The following CCDC192 variants were observed in gnomAD, a reference collection of about 807,000 sequenced individuals.
The protein encoded by CCDC192 is coiled-coil domain containing 192.
At position 127,765,093 on chromosome 5, in the gene CCDC192, A is replaced by G. The variant is rs140659857; in HGVS notation, c.222+10718A>G. Among the ~76,000 whole-genome samples, 206 of 152,336 alleles carry G rather than the reference A, an allele frequency of 1.4e-3. 1 individual carries two copies. Among genetic ancestry groups the G allele is most frequent in the Non-Finnish European group, 2.1e-3 (146 of 68,040 alleles). ...AGAGGTCTTCAAAATTTTGTCCAGC[A>G]GGTCCCTTGGAGGTTCCTAGCACTC... On this transcript the variant is annotated intron_variant, in intron 3 of 6. Coordinates refer to ENST00000514853, the MANE Select transcript of CCDC192 (RefSeq NM_001317938.2).
intron 6 of CCDC192, among the ~76,000 whole-genome samples, chr5:127,911,533 A>G (rs545150246): frequency 1.9e-3 from 283 of 152,288 alleles, no homozygotes; most frequent in African/African-American, 6.3e-3. Context: ...AAGTTCATGC[A>G]CTCTATAATT....
At chr5:127,742,353 T>C (rs578079486) in intron 2 of CCDC192, among the ~76,000 whole-genome samples, 1 of 152,268 alleles carries the variant, frequency 6.6e-6, no homozygotes, top group African/African-American at 2.4e-5. Flanking sequence ...ATTCTATCAG[T>C]AATGCTATAG....
intron 5 of CCDC192, among the ~76,000 whole-genome samples, chr5:127,852,167 A>G (rs1011638581): frequency 2.0e-5 from 3 of 152,072 alleles, no homozygotes; most frequent in African/African-American, 7.2e-5. Context: ...CCTCTCCTTG[A>G]CTTCCCCTTC....
At chr5:127,742,731 A>G (rs1480044742) in intron 2 of CCDC192, among the ~76,000 whole-genome samples, 2 of 152,212 alleles carry the variant, frequency 1.3e-5, no homozygotes, top group African/African-American at 4.8e-5. Context: ...ATCATTTGTT[A>G]AAGAAATATC....
intron 5 of CCDC192, among the ~76,000 whole-genome samples, chr5:127,808,365 G>C (rs917632481): frequency 6.6e-6 from 1 of 151,316 alleles, no homozygotes; most frequent in African/African-American, 2.4e-5. Context: ...TTTCTGAAAT[G>C]TACAGTCTCA....
At chr5:127,724,523 T>A (rs1320804724) in intron 2 of CCDC192, among the ~76,000 whole-genome samples, 1 of 152,004 alleles carries the variant, frequency 6.6e-6, no homozygotes, top group East Asian at 1.9e-4. Context: ...CAAATCCAAA[T>A]GTACTAAATG....
chr5:127,775,499 G>A (rs1580637374), intron 3 of CCDC192, among the ~76,000 whole-genome samples: 1 of 152,260 alleles, frequency 6.6e-6, no homozygotes, highest in East Asian at 1.9e-4. Context: ...TGTGCCCCCT[G>A]TGGTGTAGCA....
intron 5 of CCDC192, among the ~76,000 whole-genome samples, chr5:127,873,982 A>C (rs1751966292): frequency 6.6e-6 from 1 of 152,230 alleles, no homozygotes; most frequent in South Asian, 2.1e-4. Flanking sequence ...AGGCCAAATT[A>C]TGAAGGCTTT....
At chr5:127,909,300 C>T (rs1317911531) in intron 6 of CCDC192, among the ~76,000 whole-genome samples, 1 of 152,076 alleles carries the variant, frequency 6.6e-6, no homozygotes, top group African/African-American at 2.4e-5. Context: ...CAAGTAGGAG[C>T]ACTTCTGTTT....
At chr5:127,780,407 C>A (rs1309711094) in intron 3 of CCDC192, among the ~76,000 whole-genome samples, 1 of 152,170 alleles carries the variant, frequency 6.6e-6, no homozygotes, top group Non-Finnish European at 1.5e-5. Flanking sequence ...CACTGTTTTC[C>A]ATAGTGGTTG....
chr5:127,940,131 C>T (rs984411759), intron 6 of CCDC192, among the ~76,000 whole-genome samples: 2 of 152,178 alleles, frequency 1.3e-5, no homozygotes, highest in African/African-American at 4.8e-5. Flanking sequence ...GGCCACTCAT[C>T]TTTTATCTCT....
At chr5:127,793,305 A>G (rs975727468) in intron 3 of CCDC192, among the ~76,000 whole-genome samples, 26 of 152,346 alleles carry the variant, frequency 1.7e-4, no homozygotes, top group African/African-American at 6.3e-4. Context: ...GATATTCAGT[A>G]AGAAACTTGT....
chr5:127,824,965 G>C lies in CCDC192; in HGVS notation c.411+26803G>C, dbSNP rs528995874. Among the ~76,000 whole-genome samples, 2 of 152,296 alleles carry C rather than the reference G, an allele frequency of 1.3e-5. 1 individual carries two copies. Among genetic ancestry groups the C allele is most frequent in the African/African-American group, 4.8e-5 (2 of 41,564 alleles). ...ATGGGAGAAGACTAGGTTGGTAGTT[G>C]TTCAAGCACACAAACTTCATCTTTA... On this transcript the variant is annotated intron_variant, in intron 5 of 6. Coordinates refer to ENST00000514853, the MANE Select transcript of CCDC192 (RefSeq NM_001317938.2).
intron 3 of CCDC192, among the ~76,000 whole-genome samples, chr5:127,790,308 G>A (rs1205649594): frequency 6.6e-6 from 1 of 152,068 alleles, no homozygotes; most frequent in Non-Finnish European, 1.5e-5. Context: ...TTTGGGGCTT[G>A]GAGGCCATTT....
chr5:127,768,391 A>G (rs1243266397), intron 3 of CCDC192, among the ~76,000 whole-genome samples: 1 of 152,226 alleles, frequency 6.6e-6, no homozygotes, highest in Non-Finnish European at 1.5e-5. Flanking sequence ...CTGAAAGCAG[A>G]GACCAGAGTG....
At position 127,881,008 on chromosome 5, in the gene CCDC192, C is replaced by T. The variant is rs149692195; in HGVS notation, c.535+5347C>T. Reference sequence around the variant, plus strand: ...AAATAAAATAAAATATAGATACATACATACAGTGTAATACTTAATGAGCAA... The same window carrying T: ...AAATAAAATAAAATATAGATACATATATACAGTGTAATACTTAATGAGCAA... On this transcript the variant is annotated intron_variant, in intron 6 of 6. Transcript: ENST00000514853. Among the ~76,000 whole-genome samples, 606 of 152,176 alleles carry T rather than the reference C, an allele frequency of 4.0e-3. 2 individuals are homozygous for T. Among genetic ancestry groups the T allele is most frequent in the African/African-American group, 0.014 (569 of 41,534 alleles).
intron 6 of CCDC192, among the ~76,000 whole-genome samples, chr5:127,908,403 C>G (rs1233446021): frequency 6.6e-6 from 1 of 152,112 alleles, no homozygotes; most frequent in Non-Finnish European, 1.5e-5. Flanking sequence ...TTTTCTAAAT[C>G]TTAATTTTCA....
chr5:127,938,900 C>A (rs780767912), intron 6 of CCDC192, among the ~76,000 whole-genome samples: 2 of 151,662 alleles, frequency 1.3e-5, no homozygotes, highest in Non-Finnish European at 2.9e-5. Flanking sequence ...GCCATATGGA[C>A]TCCCTCTCCT....
chr5:127,746,590 A>C (rs1753756218), intron 2 of CCDC192, among the ~76,000 whole-genome samples: 1 of 151,344 alleles, frequency 6.6e-6, no homozygotes, highest in African/African-American at 2.4e-5. Context: ...AAGTGTAAAT[A>C]CACAAGAATT....
Sources: allele counts gnomAD v4.1 joint callset (sites outside exome capture counted in the v4.1 genomes callset), GRCh38; gene constraint gnomAD v4.1.1; transcripts MANE v1.5; gene names NCBI Gene and HGNC (gene_info 2026-07-23, HGNC 2026-07-21).